Variants in DCHS2 observed in about 807,000 individuals in gnomAD.
DCHS2 encodes protocadherin-23.
DCHS2 carries 142 observed loss-of-function variants against 182.4 expected under a neutral mutation model. The observed-to-expected ratio is 0.78, with a 90% CI of 0.68 to 0.89. The LOEUF (loss-of-function observed/expected upper bound fraction) is 0.89. Among genes scored for constraint, DCHS2 ranks in the 40% least tolerant of loss-of-function variants. The probability of loss-of-function intolerance (pLI) is 0.00; values close to 1 mark genes in which losing one functional copy is unlikely to be tolerated. For synonymous variants in DCHS2, 1,740 were observed against 1,663.3 expected (o/e 1.05, Z -1.12); for missense variants, 4,319 against 4,198.6 (o/e 1.03, Z -0.79).
At chr4:154,468,314 T>C (rs1366377163) in intron 1 of DCHS2, among the ~76,000 whole-genome samples, 1 of 152,158 alleles carries the variant, frequency 6.6e-6, no homozygotes, top group Non-Finnish European at 1.5e-5. Flanking sequence ...GTTACAATCA[T>C]ATATGATTAC....
rs890850350 is a variant in DCHS2, at chr4:154,452,643, A to G, written c.2052+36661T>C. 3.0e-5 allele frequency among the ~76,000 whole-genome samples: 4 copies of G among 133,818 alleles called. No homozygotes were observed. In the Admixed American group the frequency reaches 3.4e-4, roughly 11 times the overall value. The allele number at this position is 133,818 out of a possible 152,430, so 87.8% of individuals were successfully genotyped here. A position where few individuals can be genotyped will look rare whatever the true frequency, so the allele number is the denominator to read the frequency against. On this transcript the variant is annotated intron_variant, in intron 1 of 19. Transcript: ENST00000357232. ...CATCGCAAAAACAAACAAACAAACA[A>G]AAAAACAAAAAAAAACTGTTAAAGG...
chr4:154,237,011 A>G lies in DCHS2; in HGVS notation c.7641T>C (p.Pro2547=). 1 of 1,614,022 alleles carries G rather than the reference A, an allele frequency of 6.2e-7. No individual in the cohort carries two copies. The highest frequency in any genetic ancestry group is 8.5e-7 in the Non-Finnish European group (1 of 1,179,914). The change falls in exon 20 of 20, where the codon CCT becomes CCC. Residue 2547 remains proline (P), a synonymous_variant. Coordinates refer to ENST00000357232, the MANE Select transcript of DCHS2 (RefSeq NM_001358235.2). ...IGIEDMNNYA[P]EFTVKSYNLS... ...GATTATAGGATTTGACTGTGAATTC[A>G]GGGGCATAATTGTTCATATCTTCTA...
chr4:154,479,232 G>A (rs1280494523), intron 1 of DCHS2, among the ~76,000 whole-genome samples: 1 of 152,084 alleles, frequency 6.6e-6, no homozygotes, highest in African/African-American at 2.4e-5. Flanking sequence ...GAACATGACA[G>A]TGAATTTGAA....
chr4:154,445,305 T>C (rs1016852677), intron 1 of DCHS2, among the ~76,000 whole-genome samples: 1 of 152,222 alleles, frequency 6.6e-6, no homozygotes, highest in African/African-American at 2.4e-5. Flanking sequence ...CTTGTCTTCA[T>C]GCTCTGAGAA....
At chr4:154,395,227 C>T (rs1731879087) in intron 1 of DCHS2, among the ~76,000 whole-genome samples, 1 of 152,092 alleles carries the variant, frequency 6.6e-6, no homozygotes, top group African/African-American at 2.4e-5. Context: ...ATAGTCTTTC[C>T]ACAACATTCA....
rs549177333 is a variant in DCHS2 at position 154,357,363 on chromosome 4, A to G, written c.2476+8847T>C. On this transcript the variant is annotated intron_variant, in intron 3 of 19. Coordinates refer to ENST00000357232, the MANE Select transcript of DCHS2 (RefSeq NM_001358235.2). The stretch of plus-strand genomic sequence containing the variant: ...AGGAGCCAGGCTGGTGGGAGCAGGG[A>G]AAAGCAAAAAGAAAAAGCAGGTAAG... The G allele has an allele frequency of 2.1e-5, 28 of 1,347,232 alleles. No homozygotes were observed. In the African/African-American group the frequency reaches 3.2e-4, roughly 15 times the overall value. 83.5% of individuals were successfully genotyped at this position (1,347,232 alleles called of 1,614,324 possible). A position where few individuals can be genotyped will look rare whatever the true frequency, so the allele number is the denominator to read the frequency against.
chr4:154,460,332 G>A (rs1257651841), intron 1 of DCHS2, among the ~76,000 whole-genome samples: 1 of 152,184 alleles, frequency 6.6e-6, no homozygotes, highest in Non-Finnish European at 1.5e-5. Flanking sequence ...CATTTTCCAT[G>A]TGAAGTGGAA....
chr4:154,408,527 A>C lies in DCHS2; in HGVS notation c.2053-31083T>G, dbSNP rs149932246. ...AATAGTTTAAAGTTAAAAAGGAAAG[A>C]TTTAAGAATTATGAGAGGAAAGGTC... On this transcript the variant is annotated intron_variant, in intron 1 of 19. Transcript: ENST00000357232. Among the ~76,000 whole-genome samples the C allele has an allele frequency of 7.2e-3, 1,096 of 152,340 alleles. 16 individuals carry two copies. The highest frequency in any genetic ancestry group is 0.025 in the African/African-American group (1,036 of 41,580).
At chr4:154,487,092 T>A (rs1414547465) in intron 1 of DCHS2, among the ~76,000 whole-genome samples, 3 of 152,172 alleles carry the variant, frequency 2.0e-5, no homozygotes, top group African/African-American at 7.2e-5. Context: ...AAATCATAAT[T>A]AATCCACCCT....
At chr4:154,441,982 AT>A (rs1467275893) in intron 1 of DCHS2, among the ~76,000 whole-genome samples, 1 of 152,152 alleles carries the variant, frequency 6.6e-6, no homozygotes, top group Non-Finnish European at 1.5e-5. Context: ...GGGTAAGTCA[AT>A]GGGTAAATTT....
chr4:154,248,950 G>T (rs1350826212), intron 16 of DCHS2, among the ~76,000 whole-genome samples: 5 of 152,022 alleles, frequency 3.3e-5, no homozygotes, highest in Non-Finnish European at 7.4e-5. Context: ...ATGAATTGAA[G>T]ATTTAAATAT....
chr4:154,280,157 A>G (rs1734063866), intron 13 of DCHS2, among the ~76,000 whole-genome samples: 1 of 152,040 alleles, frequency 6.6e-6, no homozygotes, highest in African/African-American at 2.4e-5. Flanking sequence ...GAAATATATA[A>G]CCTACCAAGA....
chr4:154,269,798 T>C, intron 14 of DCHS2, 102 bp downstream of exon 14: 1 of 1,421,462 alleles, frequency 7.0e-7, no homozygotes, highest in Non-Finnish European at 9.5e-7. Context: ...CTTGCTTACC[T>C]TTTAAATTAC....
In DCHS2 at chr4:154,366,293, T is replaced by C. The variant is rs769638650; in HGVS notation, c.2393A>G (p.Gln798Arg). 2 of 1,613,626 alleles carry C rather than the reference T, an allele frequency of 1.2e-6. No individual in the cohort carries two copies. The highest frequency in any genetic ancestry group is 1.7e-6 in the Non-Finnish European group (2 of 1,179,904). ...TEIINVLATD[Q>R]DSGIYGTVAY... is the part of the protein sequence containing the mutation. ...CACTGTCCCATATATCCCAGAGTCC[T>C]GGTCAGTGGCAAGAACATTGATGAT... is the stretch of plus-strand genomic sequence containing the variant. Residue 798 changes from glutamine (Q) to arginine (R), a missense_variant, in exon 3 of 20, where the codon CAG becomes CGG. Gln to Arg is a conservative substitution (Grantham distance 43). Coordinates refer to ENST00000357232, the MANE Select transcript of DCHS2 (RefSeq NM_001358235.2).
chr4:154,328,746 A>G (rs1410063542), intron 6 of DCHS2, among the ~76,000 whole-genome samples: 2 of 152,220 alleles, frequency 1.3e-5, no homozygotes, highest in African/African-American at 4.8e-5. Flanking sequence ...TAATGATGAT[A>G]TAATAATATT....
At chr4:154,326,135 A>T (rs1392785208) in intron 7 of DCHS2, among the ~76,000 whole-genome samples, 1 of 152,240 alleles carries the variant, frequency 6.6e-6, no homozygotes, top group Non-Finnish European at 1.5e-5. Context: ...AGGGTATAGC[A>T]TAAGCACATC....
At chr4:154,449,410 G>T (rs1028699601) in intron 1 of DCHS2, among the ~76,000 whole-genome samples, 4 of 150,162 alleles carry the variant, frequency 2.7e-5, no homozygotes, top group Non-Finnish European at 4.4e-5. Flanking sequence ...TGTTCCTGTC[G>T]CTCAGGCTGG....
At chr4:154,382,538 C>T (rs1401657608) in intron 1 of DCHS2, among the ~76,000 whole-genome samples, 1 of 151,756 alleles carries the variant, frequency 6.6e-6, no homozygotes, top group Non-Finnish European at 1.5e-5. Flanking sequence ...ATAAGAAAAT[C>T]CCAACAGAGT....
chr4:154,244,667 G>C (rs1412245031), intron 16 of DCHS2, among the ~76,000 whole-genome samples: 2 of 152,082 alleles, frequency 1.3e-5, no homozygotes, highest in African/African-American at 2.4e-5. Flanking sequence ...TTCTTGGTTT[G>C]AATTCCACTT....
Sources: gnomAD v4.1 joint callset for allele counts (sites outside exome capture counted in the v4.1 genomes callset) on GRCh38, gnomAD v4.1.1 for gene constraint, MANE v1.5 for transcripts, NCBI Gene and HGNC (gene_info 2026-07-23, HGNC 2026-07-21) for gene names.